The following CDH18 variants were observed in gnomAD, a reference collection of about 807,000 sequenced individuals.
CDH18 encodes the protein cadherin-18.
A neutral mutation model predicts 67.9 loss-of-function variants in CDH18; 31 were observed. The ratio of observed to expected loss-of-function variants is 0.46; its 90% CI spans 0.34 to 0.62. The LOEUF (loss-of-function observed/expected upper bound fraction) is 0.62, where lower values mean the gene tolerates loss of function less well. Among genes scored for constraint, CDH18 ranks in the 20% least tolerant of loss-of-function variants. CDH18 has a pLI of 0.01. For missense variants in CDH18, 890 were observed against 975.5 expected (o/e 0.91, Z 1.17); for synonymous variants, 362 against 347.2 (o/e 1.04, Z -0.48).
At chr5:19,484,512 T>C (rs182747713) in intron 11 of CDH18, among the ~76,000 whole-genome samples, 19 of 152,280 alleles carry the variant, frequency 1.2e-4, no homozygotes, top group Non-Finnish European at 1.9e-4. Flanking sequence ...ACCCACATGG[T>C]CCATACTTGG....
At chr5:20,286,219 AC>A (rs894019120) in intron 1 of CDH18, among the ~76,000 whole-genome samples, 22 of 151,608 alleles carry the variant, frequency 1.5e-4, no homozygotes, top group African/African-American at 5.3e-4. Context: ...TAAGAATGAA[AC>A]TTTTAATGAA....
At chr5:19,686,675 A>C (rs2150404807) in intron 5 of CDH18, among the ~76,000 whole-genome samples, 1 of 152,246 alleles carries the variant, frequency 6.6e-6, no homozygotes, top group African/African-American at 2.4e-5. Context: ...GTGTTCCGCA[A>C]CTGTGGAACA....
chr5:20,526,491 C>T (rs1325389496), intron 1 of CDH18, among the ~76,000 whole-genome samples: 1 of 152,064 alleles, frequency 6.6e-6, no homozygotes, highest in African/African-American at 2.4e-5. Flanking sequence ...TTTCTAGACA[C>T]CTCATATGGG....
At chr5:20,258,827 T>C (rs566630902) in intron 1 of CDH18, among the ~76,000 whole-genome samples, 2 of 152,176 alleles carry the variant, frequency 1.3e-5, no homozygotes, top group South Asian at 2.1e-4. Flanking sequence ...TCCAAAGAAC[T>C]CAGAGAAAGC....
intron 2 of CDH18, among the ~76,000 whole-genome samples, chr5:20,166,620 C>G (rs1736316312): frequency 6.6e-6 from 1 of 152,092 alleles, no homozygotes; most frequent in South Asian, 2.1e-4. Flanking sequence ...CACTGGAGAT[C>G]TGAATGATTA....
intron 2 of CDH18, among the ~76,000 whole-genome samples, chr5:20,231,739 A>G (rs1742094700): frequency 6.6e-6 from 1 of 152,198 alleles, no homozygotes; most frequent in Non-Finnish European, 1.5e-5. Flanking sequence ...GCAAAGCTGA[A>G]TGGTAACAAA....
At chr5:19,918,130 C>T (rs1364551263) in intron 2 of CDH18, among the ~76,000 whole-genome samples, 1 of 151,820 alleles carries the variant, frequency 6.6e-6, no homozygotes. Context: ...ATTTTATGCA[C>T]TGATCAACAC....
chr5:19,522,894 C>CAA (rs36099222), intron 9 of CDH18, among the ~76,000 whole-genome samples: 87 of 83,716 alleles, frequency 1.0e-3, no homozygotes, highest in Non-Finnish European at 1.2e-3. Context: ...GACTCCTTCT[C>CAA]AAAAAAAAAA....
At chr5:19,654,825 G>A (rs913467106) in intron 5 of CDH18, among the ~76,000 whole-genome samples, 2 of 152,086 alleles carry the variant, frequency 1.3e-5, no homozygotes, top group Non-Finnish European at 2.9e-5. Context: ...GATGGACTAG[G>A]AAGATCATCT....
At chr5:20,189,274 T>C (rs1270370797) in intron 2 of CDH18, among the ~76,000 whole-genome samples, 1 of 152,060 alleles carries the variant, frequency 6.6e-6, no homozygotes. Context: ...ACTTTCCTGG[T>C]TTTCTGATAT....
In CDH18 at chr5:19,598,487, A is replaced by C. The variant is rs138298022; in HGVS notation, c.812-7243T>G. On this transcript the variant is annotated intron_variant, in intron 6 of 12. Coordinates refer to ENST00000382275, the MANE Select transcript of CDH18 (RefSeq NM_004934.5). ...ACAATGAAAAAAGAATAAATTGTTT[A>C]AAGTTTACAACAAAAGAAGGACATA... Among the ~76,000 whole-genome samples, 60 of 152,268 alleles carry C rather than the reference A, an allele frequency of 3.9e-4. No individual in the cohort carries two copies. The East Asian group carries it at 0.011, about 29-fold the overall frequency.
chr5:20,395,970 C>G (rs1298955073), intron 1 of CDH18, among the ~76,000 whole-genome samples: 1 of 152,176 alleles, frequency 6.6e-6, no homozygotes, highest in Non-Finnish European at 1.5e-5. Context: ...TCGCCTTATG[C>G]ATCTCTTTCA....
At chr5:19,509,753 ACT>A (rs777997258) in intron 10 of CDH18, among the ~76,000 whole-genome samples, 15 of 151,974 alleles carry the variant, frequency 9.9e-5, no homozygotes, top group Admixed American at 3.3e-4. Context: ...AATAGAATAG[ACT>A]CTCTTTATTT....
At chr5:20,320,825 A>G (rs936878423) in intron 1 of CDH18, among the ~76,000 whole-genome samples, 1 of 152,086 alleles carries the variant, frequency 6.6e-6, no homozygotes, top group African/African-American at 2.4e-5. Context: ...ATGGAGAACA[A>G]CCACGGCCAC....
At chr5:20,417,606 C>G (rs1439630590) in intron 1 of CDH18, among the ~76,000 whole-genome samples, 2 of 152,136 alleles carry the variant, frequency 1.3e-5, no homozygotes, top group African/African-American at 4.8e-5. Context: ...AAAACAAACT[C>G]TACGACATGT....
chr5:20,331,089 G>A (rs531866153), intron 1 of CDH18, among the ~76,000 whole-genome samples: 7 of 152,152 alleles, frequency 4.6e-5, no homozygotes, highest in Non-Finnish European at 8.8e-5. Flanking sequence ...ATTTGAGCTA[G>A]AGATAAGAAT....
intron 1 of CDH18, among the ~76,000 whole-genome samples, chr5:20,310,606 C>T (rs979868828): frequency 6.6e-6 from 1 of 152,044 alleles, no homozygotes; most frequent in Non-Finnish European, 1.5e-5. Context: ...GAGATGAGTT[C>T]ATATTTATAT....
chr5:19,490,236 T>A (rs1741182035), intron 11 of CDH18, among the ~76,000 whole-genome samples: 1 of 151,962 alleles, frequency 6.6e-6, no homozygotes, highest in Admixed American at 6.6e-5. Flanking sequence ...TTAATGTACA[T>A]GGTGGAGCAG....
rs192988326 is a variant in CDH18, at chr5:20,344,772, G to A, written c.-579-89267C>T. 5.9e-5 allele frequency among the ~76,000 whole-genome samples: 9 copies of A among 151,500 alleles called. 1 individual carries two copies. Among genetic ancestry groups the A allele is most frequent in the East Asian group, 5.8e-4 (3 of 5,168 alleles). Reference sequence around the variant, plus strand: ...TTCAAAGACAGGTTTGAGCCCCTTTGCCTCCACTAGCTCAGAAGGACACAA... The same window carrying A: ...TTCAAAGACAGGTTTGAGCCCCTTTACCTCCACTAGCTCAGAAGGACACAA... On this transcript the variant is annotated intron_variant, in intron 1 of 14. Transcript: ENST00000507958.
Sources: gnomAD v4.1 joint callset for allele counts (sites outside exome capture counted in the v4.1 genomes callset) on GRCh38, gnomAD v4.1.1 for gene constraint, MANE v1.5 for transcripts, NCBI Gene and HGNC (gene_info 2026-07-23, HGNC 2026-07-21) for gene names.